The following MELTF variants were observed in gnomAD, a reference collection of about 807,000 sequenced individuals.
MELTF encodes melanotransferrin, also known as antigen p97 (melanoma associated) identified by monoclonal antibodies 133.2 and 96.5.
Under a neutral mutation model 83.7 loss-of-function variants are expected in MELTF, and 67 were observed. The ratio of observed to expected loss-of-function variants is 0.80; its 90% CI spans 0.66 to 0.98. The LOEUF is 0.98. MELTF is among the 50% of genes least tolerant of loss of function. The pLI, the probability that MELTF is intolerant of heterozygous loss-of-function variation, is 0.00. For missense variants in MELTF, 1,002 were observed against 1,035.6 expected, an observed-to-expected ratio of 0.97 and a Z score of 0.44; for synonymous variants, 462 against 447.6, an observed-to-expected ratio of 1.03 and a Z score of -0.41.
rs944442067 is a variant in MELTF, at chr3:197,011,317, C to A, written c.1234-523G>T. 2.6e-5 allele frequency among the ~76,000 whole-genome samples: 4 copies of A among 152,198 alleles called. No homozygotes were observed. The highest frequency in any genetic ancestry group is 7.2e-5 in the African/African-American group (3 of 41,454). On this transcript the variant is annotated intron_variant, in intron 9 of 15. Coordinates refer to ENST00000296350, the MANE Select transcript of MELTF (RefSeq NM_005929.6). The surrounding 1 kb of genome is among the most constrained non-coding windows in gnomAD (Gnocchi z 4.2). ...AGGGATGGAGCTCTGCCTGCGGAGG[C>A]GCGGGAGGGTCCAGTGCCTTCTTCC...
At position 197,020,489 on chromosome 3, in the gene MELTF, GCACA is replaced by G. The variant is rs57202737; in HGVS notation, c.712+911_712+914del. ...CTCTCAAATGGGTCAGAACACACAC[GCACA>G]CACACACACACACACAATAAAATGT... is the stretch of plus-strand genomic sequence containing the variant. On this transcript the variant is annotated intron_variant, in intron 6 of 15. Coordinates refer to ENST00000296350, the MANE Select transcript of MELTF (RefSeq NM_005929.6). 2.7e-4 allele frequency among the ~76,000 whole-genome samples: 40 copies of G among 149,482 alleles called. No homozygotes were observed. The East Asian group carries it at 6.5e-3, about 24-fold the overall frequency.
chr3:197,027,070 G>C, intron 2 of MELTF: 1 of 363,732 alleles, frequency 2.7e-6, no homozygotes, highest in Non-Finnish European at 5.2e-6. Context: ...CTCGCTTTCT[G>C]TCCCTCCACC....
In MELTF at chr3:197,008,413, A is replaced by G. The variant is rs1719054414; in HGVS notation, c.1750+244T>C. On this transcript the variant is annotated intron_variant, in intron 13 of 15. Coordinates refer to ENST00000296350, the MANE Select transcript of MELTF (RefSeq NM_005929.6). This position sits in a 1 kb window ranked among gnomAD's most constrained non-coding sequence, Gnocchi z 5.4. Reference sequence around the variant, plus strand: ...GATTGAGTTTCTACCGTTTCGGTGGATTAGGGACTTGAATTCCAGGCCAGT... The same window carrying G: ...GATTGAGTTTCTACCGTTTCGGTGGGTTAGGGACTTGAATTCCAGGCCAGT... 6.6e-6 allele frequency among the ~76,000 whole-genome samples: 1 copy of G among 152,054 alleles called. No homozygotes were observed. The highest frequency in any genetic ancestry group is 1.5e-5 in the Non-Finnish European group (1 of 67,984).
rs765088556 is a variant in MELTF at position 197,008,019 on chromosome 3, G to A, written c.1750+638C>T. ...GAAAACAGCCTCTAGTCTTCAAAAC[G>A]GACACAGATTCCTTCACGGAGAACA... On this transcript the variant is annotated intron_variant, in intron 13 of 15. Transcript: ENST00000296350. This position sits in a 1 kb window ranked among gnomAD's most constrained non-coding sequence, Gnocchi z 5.4. Among the ~76,000 whole-genome samples, 5 of 152,168 alleles carry A rather than the reference G, an allele frequency of 3.3e-5. No homozygotes were observed. Among genetic ancestry groups the A allele is most frequent in the African/African-American group, 4.8e-5 (2 of 41,438 alleles).
chr3:197,018,572 G>C (rs138002290), intron 6 of MELTF, among the ~76,000 whole-genome samples: 1 of 152,060 alleles, frequency 6.6e-6, no homozygotes, highest in African/African-American at 2.4e-5. Context: ...TCAGCCTCCC[G>C]AGTAGCTCAG....
chr3:197,022,950 C>CG lies in MELTF; in HGVS notation c.644+6dup. 4 of 1,603,624 alleles carry CG rather than the reference C, an allele frequency of 2.5e-6. No homozygotes were observed. The highest frequency in any genetic ancestry group is 3.4e-6 in the Non-Finnish European group (4 of 1,175,948). ...CCTCGGCCCCTCCCTGCCCCCACTC[C>CG]GCTCACCGGAAGGCCCCGCTGTAGT... On this transcript the variant is annotated splice_region_variant and intron_variant, in intron 5 of 15. Coordinates refer to ENST00000296350, the MANE Select transcript of MELTF (RefSeq NM_005929.6). The surrounding 1 kb of genome is among the most constrained non-coding windows in gnomAD (Gnocchi z 5.1).
Position 197,006,183 on chromosome 3 carries a change from T to TGCACTCCAGCCTGGGGC in MELTF, c.1938+349_1938+365dup, listed in dbSNP as rs1718969257. Among the ~76,000 whole-genome samples, 2 of 150,894 alleles carry TGCACTCCAGCCTGGGGC rather than the reference T, an allele frequency of 1.3e-5. No individual in the cohort carries two copies. The highest frequency in any genetic ancestry group is 1.3e-4 in the Admixed American group (2 of 15,158). On this transcript the variant is annotated intron_variant, in intron 14 of 15. Coordinates refer to ENST00000296350, the MANE Select transcript of MELTF (RefSeq NM_005929.6). The surrounding 1 kb of genome is among the most constrained non-coding windows in gnomAD (Gnocchi z 5.4). ...TTGCAGTGAGCCGAGATAGTGCCAC[T>TGCACTCCAGCCTGGGGC]GCACTCCAGCCTGGGGCGACAGAGT...
chr3:197,019,668 G>C, intron 6 of MELTF: 1 of 1,613,728 alleles, frequency 6.2e-7, no homozygotes, highest in Non-Finnish European at 8.5e-7. Context: ...ACTCGTCCTG[G>C]GGCCTGTGAA....
intron 6 of MELTF, among the ~76,000 whole-genome samples, chr3:197,018,187 G>C (rs562833605): frequency 1.3e-5 from 2 of 151,996 alleles, no homozygotes; most frequent in African/African-American, 4.8e-5. Flanking sequence ...TGGCCCTTTC[G>C]CCCAGGCTGG....
In MELTF at chr3:197,026,652, CCT is replaced by C. The variant is rs1466410905; in HGVS notation, c.304+6_304+7del. On this transcript the variant is annotated splice_donor_region_variant and intron_variant, in intron 3 of 15. Transcript: ENST00000296350. ...GCTGTCCTCTCTCCTCCCACTGCAC[CCT>C]CTTACCTTGATCGTACACTTCGCCC... is the stretch of plus-strand genomic sequence containing the variant. The C allele has an allele frequency of 6.2e-7, 1 of 1,611,982 alleles. No individual in the cohort carries two copies. The highest frequency in any genetic ancestry group is 8.5e-7 in the Non-Finnish European group (1 of 1,179,422).
chr3:197,022,448 T>G lies in MELTF; in HGVS notation c.644+509A>C, dbSNP rs1450177787. 6.6e-6 allele frequency among the ~76,000 whole-genome samples: 1 copy of G among 152,152 alleles called. No individual in the cohort carries two copies. The highest frequency in any genetic ancestry group is 1.5e-5 in the Non-Finnish European group (1 of 68,034). ...GGCTTCCCTGCTCCAGGTGGAAACG[T>G]GAGGTAGCTAGAGGGGCCCGAGAAG... On this transcript the variant is annotated intron_variant, in intron 5 of 15. Coordinates refer to ENST00000296350, the MANE Select transcript of MELTF (RefSeq NM_005929.6). The surrounding 1 kb of genome is among the most constrained non-coding windows in gnomAD (Gnocchi z 5.1).
Position 197,003,558 on chromosome 3 carries a change from C to T in MELTF, c.2138-107G>A. 1.3e-6 allele frequency: 1 copy of T among 790,782 alleles called. No individual in the cohort carries two copies. Among genetic ancestry groups the T allele is most frequent in the Non-Finnish European group, 1.7e-6 (1 of 595,386 alleles). The allele number at this position is 790,782 out of a possible 1,614,324, so 49.0% of individuals were successfully genotyped here. A position where few individuals can be genotyped will look rare whatever the true frequency, so the allele number is the denominator to read the frequency against. ...GGGCATCTTTCGGGACCGAACTCGC[C>T]GCAGCCTCCCTCTTTGTGCTCCTTT... On this transcript the variant is annotated intron_variant, in intron 15 of 15. Coordinates refer to ENST00000296350, the MANE Select transcript of MELTF (RefSeq NM_005929.6). The surrounding 1 kb of genome is among the most constrained non-coding windows in gnomAD (Gnocchi z 6.2).
In MELTF at chr3:197,009,640, G is replaced by A. The variant is rs747968073; in HGVS notation, c.1503C>T (p.Pro501=). 5 of 1,612,442 alleles carry A rather than the reference G, an allele frequency of 3.1e-6. No homozygotes were observed. Among genetic ancestry groups the A allele is most frequent in the Non-Finnish European group, 4.2e-6 (5 of 1,178,880 alleles). ...TACCTGTGAGGACGTCACAGTCCTT[G>A]GGCCGGATGAAGCCTCTCTGAATAA... ...GALIQRGFIR[P]KDCDVLTAVS... is the part of the protein sequence containing the mutation. The change falls in exon 11 of 16, where the codon CCC becomes CCT. Residue 501 remains proline, a synonymous_variant. Coordinates refer to ENST00000296350, the MANE Select transcript of MELTF (RefSeq NM_005929.6).
Position 197,029,726 on chromosome 3 carries a change from C to A in MELTF, c.-24G>T. Reference sequence around the variant, plus strand: ...ATGGCGCCGTCGGGGCTGGCTGGGGCCGGGCTGGGGCTGGGTCCGGGTCCG... The same window carrying A: ...ATGGCGCCGTCGGGGCTGGCTGGGGACGGGCTGGGGCTGGGTCCGGGTCCG... On this transcript the variant is annotated 5_prime_UTR_variant, in exon 1 of 16. Coordinates refer to ENST00000296350, the MANE Select transcript of MELTF (RefSeq NM_005929.6). The surrounding 1 kb of genome is among the most constrained non-coding windows in gnomAD (Gnocchi z 6.5). 1 of 1,232,660 alleles carries A rather than the reference C, an allele frequency of 8.1e-7. No individual in the cohort carries two copies. The highest frequency in any genetic ancestry group is 1.0e-6 in the Non-Finnish European group (1 of 988,078). 76.4% of individuals were successfully genotyped at this position (1,232,660 alleles called of 1,614,324 possible).
chr3:197,021,351 C>A (rs1719614527), intron 6 of MELTF, 53 bp downstream of exon 6: 23 of 1,585,784 alleles, frequency 1.5e-5, no homozygotes, highest in Non-Finnish European at 2.0e-5. Context: ...CTGCCCCAAG[C>A]CGGCCTGGCC....
chr3:197,023,115 T>C lies in MELTF; in HGVS notation c.488-2A>G. 1.2e-6 allele frequency: 2 copies of C among 1,613,528 alleles called. No homozygotes were observed. Among genetic ancestry groups the C allele is most frequent in the Non-Finnish European group, 1.7e-6 (2 of 1,179,996 alleles). On this transcript the variant is annotated splice_acceptor_variant, in intron 4 of 15. Transcript: ENST00000296350. LOFTEE classifies it high-confidence loss of function. Reference sequence around the variant, plus strand: ...TGCCCCCAAAATAGTCGCTGACAGCTGTGGGAAGGAGGTAGAGAGGTCACT... The same window carrying C: ...TGCCCCCAAAATAGTCGCTGACAGCCGTGGGAAGGAGGTAGAGAGGTCACT...
chr3:197,006,008 C>A lies in MELTF; in HGVS notation c.1938+541G>T, dbSNP rs1057105316. ...GGCCGAGGTGGGCGGATCACGAGGT[C>A]AGGAGATCGAGACCATCCTGGCTAA... On this transcript the variant is annotated intron_variant, in intron 14 of 15. Coordinates refer to ENST00000296350, the MANE Select transcript of MELTF (RefSeq NM_005929.6). The surrounding 1 kb of genome is among the most constrained non-coding windows in gnomAD (Gnocchi z 5.4). 6.6e-6 allele frequency among the ~76,000 whole-genome samples: 1 copy of A among 152,000 alleles called. No individual in the cohort carries two copies. Among genetic ancestry groups the A allele is most frequent in the Non-Finnish European group, 1.5e-5 (1 of 67,992 alleles).
intron 6 of MELTF, among the ~76,000 whole-genome samples, chr3:197,018,304 C>G (rs754351769): frequency 6.8e-5 from 10 of 147,834 alleles, no homozygotes; most frequent in South Asian, 2.2e-4. Context: ...CCCGCCACCA[C>G]GCCCGGCTAA....
At position 197,009,653 on chromosome 3, in the gene MELTF, C is replaced by A. The variant is rs148320638; in HGVS notation, c.1490G>T (p.Gly497Val). 3.1e-6 allele frequency: 5 copies of A among 1,613,436 alleles called. No individual in the cohort carries two copies. The highest frequency in any genetic ancestry group is 3.4e-6 in the Non-Finnish European group (4 of 1,179,606). The stretch of plus-strand genomic sequence containing the variant: ...GTCACAGTCCTTGGGCCGGATGAAG[C>A]CTCTCTGAATAAGGGCACCCACGGG... ...DVPVGALIQR[G>V]FIRPKDCDVL... Residue 497 changes from glycine (G) to valine (V), a missense_variant, in exon 11 of 16, where the codon GGC (glycine) becomes GTC (valine). By Grantham distance (109) the Gly-to-Val change is moderately radical. Transcript: ENST00000296350.
Sources: gnomAD v4.1 joint callset for allele counts (sites outside exome capture counted in the v4.1 genomes callset) on GRCh38, gnomAD v4.1.1 for gene constraint, Gnocchi (gnomAD v3.1) non-coding constraint, MANE v1.5 for transcripts, NCBI Gene and HGNC (gene_info 2026-07-23, HGNC 2026-07-21) for gene names.